The following SLC9A6 variants were observed in gnomAD, a reference collection of about 807,000 sequenced individuals.
The protein encoded by SLC9A6 is solute carrier family 9 member A6.
In SLC9A6, 6 loss-of-function variants were observed where a neutral mutation model predicts 45.3. That is an observed-to-expected ratio of 0.13 (90% CI 0.07 to 0.26). The LOEUF (loss-of-function observed/expected upper bound fraction) is 0.26. Among genes scored for constraint, SLC9A6 ranks in the 10% least tolerant of loss-of-function variants. SLC9A6 has a pLI of 1.00. For missense variants in SLC9A6, 278 were observed against 503.7 expected, an observed-to-expected ratio of 0.55 and a Z score of 4.29; for synonymous variants, 191 against 187.7, an observed-to-expected ratio of 1.02 and a Z score of -0.14.
intron 13 of SLC9A6, 77 bp downstream of exon 13, chrX:136,024,560 A>G: frequency 1.1e-6 from 1 of 947,353 alleles, no homozygotes; most frequent in Non-Finnish European, 1.5e-6. Context: ...TCAATTTTTA[A>G]TCTTTGGAGA....
intron 16 of SLC9A6, among the ~76,000 whole-genome samples, chrX:136,037,556 ATATTTATTTATTTATT>A (rs781891851): frequency 9.1e-6 from 1 of 110,273 alleles, no homozygotes; most frequent in East Asian, 2.8e-4. Context: ...AGAAAATTGG[ATATTTATTTATTTATT>A]TATTTATTTA....
chrX:135,994,750 G>T, intron 2 of SLC9A6, 36 bp from the exon 3 acceptor site: 1 of 1,181,502 alleles, frequency 8.5e-7, no homozygotes, highest in Non-Finnish European at 1.2e-6. Context: ...AGTGGTCTCT[G>T]TCGGCAAGAA....
At chrX:136,012,083 C>T (rs2148172433) in intron 8 of SLC9A6, among the ~76,000 whole-genome samples, 1 of 112,186 alleles carries the variant, frequency 8.9e-6, no homozygotes, top group African/African-American at 3.2e-5. Context: ...GTGCGAGACT[C>T]CGTCTCAAAA....
chrX:135,978,525 G>T (rs1430098234), intron 1 of SLC9A6, among the ~76,000 whole-genome samples: 1 of 110,637 alleles, frequency 9.0e-6, no homozygotes, highest in African/African-American at 3.3e-5. Context: ...GGTGGCGCAT[G>T]CCAGTAATCC....
intron 14 of SLC9A6, chrX:136,029,894 G>T: frequency 2.4e-6 from 1 of 419,075 alleles, no homozygotes. Context: ...TCTGAAACTG[G>T]TAAGTAAGAT....
At chrX:135,997,644 G>A (rs987212306) in intron 3 of SLC9A6, among the ~76,000 whole-genome samples, 2 of 105,160 alleles carry the variant, frequency 1.9e-5, no homozygotes, top group Admixed American at 2.0e-4. Flanking sequence ...TTGGCTTCAG[G>A]TGATCCGCCC....
At chrX:136,008,081 A>G (rs1450885060) in intron 7 of SLC9A6, among the ~76,000 whole-genome samples, 4 of 112,286 alleles carry the variant, frequency 3.6e-5, no homozygotes, top group Admixed American at 1.9e-4. Context: ...TCTAAAATAT[A>G]TAAAAAGCAA....
intron 2 of SLC9A6, among the ~76,000 whole-genome samples, chrX:135,988,800 G>T (rs782482469): frequency 9.2e-6 from 1 of 108,220 alleles, no homozygotes; most frequent in African/African-American, 3.4e-5. Context: ...ACGCGAGTGT[G>T]GGGGGGTCTT....
upstream of SLC9A6, among the ~76,000 whole-genome samples, chrX:135,983,065 A>T (rs782439627): frequency 1.1e-4 from 12 of 111,426 alleles, no homozygotes; most frequent in Non-Finnish European, 2.3e-4. Flanking sequence ...CCAGGAAGTC[A>T]ATAAGTGAGG....
intron 2 of SLC9A6, among the ~76,000 whole-genome samples, chrX:135,986,585 T>G (rs2089343244): frequency 8.9e-6 from 1 of 111,772 alleles, no homozygotes; most frequent in Admixed American, 9.5e-5. Context: ...AGACAAACAG[T>G]AATTACAAAC....
At chrX:136,039,308 A>T (rs1053757399) in intron 16 of SLC9A6, among the ~76,000 whole-genome samples, 2 of 111,159 alleles carry the variant, frequency 1.8e-5, no homozygotes, top group Non-Finnish European at 1.9e-5. Context: ...AAAAAAAAAA[A>T]AAATAAATGA....
At chrX:136,001,888 C>A (rs1160375652) in intron 6 of SLC9A6, among the ~76,000 whole-genome samples, 5 of 111,714 alleles carry the variant, frequency 4.5e-5, no homozygotes, top group Non-Finnish European at 9.4e-5. Context: ...TTACTTTCAG[C>A]CATTTTTAAG....
At position 136,045,630 on chromosome X, in the gene SLC9A6, C is replaced by CT. The variant is rs1309689554; in HGVS notation, c.*909dup. On this transcript the variant is annotated 3_prime_UTR_variant, in exon 18 of 18. Coordinates refer to ENST00000630721, the MANE Select transcript of SLC9A6 (RefSeq NM_001379110.1). The stretch of plus-strand genomic sequence containing the variant: ...TTGCTGCTTAATTTTTGATTATGTA[C>CT]TTTATCTGTATAGCAGGCTTTGTCG... 1 of 112,493 alleles carries CT rather than the reference C, an allele frequency of 8.9e-6. No homozygotes were observed. 9.3% of individuals were successfully genotyped at this position (112,493 alleles called of 1,213,427 possible).
chrX:135,978,611 C>T (rs1556613622), intron 1 of SLC9A6, among the ~76,000 whole-genome samples: 1 of 106,731 alleles, frequency 9.4e-6, no homozygotes. Context: ...AAGATCGCAC[C>T]ACTGTACTCC....
intron 6 of SLC9A6, among the ~76,000 whole-genome samples, chrX:136,000,254 CAAAAAAAAAAAAA>C (rs1212509294): frequency 1.8e-3 from 28 of 15,782 alleles, no homozygotes; most frequent in Non-Finnish European, 2.4e-3. Context: ...ACCCTGTCTC[CAAAAAAAAAAAAA>C]AAAAAAAAAA....
At position 135,998,972 on chromosome X, in the gene SLC9A6, T is replaced by C; in HGVS notation, c.637+4T>C. On this transcript the variant is annotated splice_donor_region_variant and intron_variant, in intron 6 of 17. Coordinates refer to ENST00000630721, the MANE Select transcript of SLC9A6 (RefSeq NM_001379110.1). ...ATTGTATCAGCAACTGATCCAGGTA[T>C]GTTTTATATGAGTGGAGTTTACATA... 1 of 1,087,811 alleles carries C rather than the reference T, an allele frequency of 9.2e-7. No homozygotes were observed. The highest frequency in any genetic ancestry group is 1.3e-6 in the Non-Finnish European group (1 of 782,699). The allele number at this position is 1,087,811 out of a possible 1,213,427, so 89.6% of individuals were successfully genotyped here. A position where few individuals can be genotyped will look rare whatever the true frequency, so the allele number is the denominator to read the frequency against.
intron 15 of SLC9A6, among the ~76,000 whole-genome samples, chrX:136,031,757 C>A (rs2071325227): frequency 9.0e-6 from 1 of 111,251 alleles, no homozygotes; most frequent in African/African-American, 3.3e-5. Context: ...CACAGAGGAA[C>A]CTTATACTAA....
At chrX:135,974,070 T>G (rs781997478), upstream of SLC9A6, 2 of 23,892 alleles carry the variant, frequency 8.4e-5, no homozygotes, top group East Asian at 3.0e-3. Flanking sequence ...AGAGAACGTG[T>G]GGGGGCGAGG....
intron 3 of SLC9A6, among the ~76,000 whole-genome samples, chrX:135,996,159 G>T (rs1204250376): frequency 2.9e-5 from 3 of 104,894 alleles, no homozygotes; most frequent in African/African-American, 1.1e-4. Context: ...AGCCTCCTTA[G>T]TAGCTCAGAC....
Sources: allele counts gnomAD v4.1 joint callset (sites outside exome capture counted in the v4.1 genomes callset), GRCh38; gene constraint gnomAD v4.1.1; transcripts MANE v1.5; gene names NCBI Gene and HGNC (gene_info 2026-07-23, HGNC 2026-07-21).